CNST: variants seen among roughly 807,000 people sequenced by gnomAD.
CNST encodes consortin, connexin sorting protein, also known as consortin.
In CNST, 39 loss-of-function variants were observed where a neutral mutation model predicts 72.4. That is an observed-to-expected ratio of 0.54 (90% CI 0.42 to 0.70). The LOEUF (loss-of-function observed/expected upper bound fraction) is 0.70. Ranked by LOEUF, CNST falls within the 30% of genes least tolerant of loss-of-function variation. The probability of loss-of-function intolerance (pLI) is 0.00; values close to 1 mark genes in which losing one functional copy is unlikely to be tolerated. For synonymous variants in CNST, 332 were observed against 320.1 expected (o/e 1.04, Z -0.40); for missense variants, 871 against 868.5 (o/e 1.00, Z -0.04).
At chr1:246,587,165 T>C (rs1193147736) in intron 1 of CNST, among the ~76,000 whole-genome samples, 1 of 152,230 alleles carries the variant, frequency 6.6e-6, no homozygotes, top group East Asian at 1.9e-4. Context: ...AGTCTTGCTA[T>C]GTTGCGCAGG....
At chr1:246,575,251 A>G (rs2103003916) in intron 1 of CNST, among the ~76,000 whole-genome samples, 1 of 152,288 alleles carries the variant, frequency 6.6e-6, no homozygotes. Context: ...AAGTGTTCAG[A>G]CAAAAACGTG....
chr1:246,648,331 A>T (rs950439333), intron 9 of CNST: 1 of 694,886 alleles, frequency 1.4e-6, no homozygotes, highest in East Asian at 7.9e-5. Flanking sequence ...TGGCAGTTCC[A>T]GATATTGGAA....
chr1:246,590,448 T>A lies in CNST; in HGVS notation c.-51-1064T>A, dbSNP rs527833576. Among the ~76,000 whole-genome samples, 29 of 152,284 alleles carry A rather than the reference T, an allele frequency of 1.9e-4. No individual in the cohort carries two copies. The South Asian group carries it at 5.8e-3, about 30-fold the overall frequency. ...TCTTTCCAACTTTTTGCTTTCTCCC[T>A]TTTCGCCTGTCTTATAAACTAGGCA... On this transcript the variant is annotated intron_variant, in intron 1 of 10. Transcript: ENST00000366513.
intron 1 of CNST, among the ~76,000 whole-genome samples, chr1:246,588,878 T>C: frequency 6.6e-6 from 1 of 152,158 alleles, no homozygotes; most frequent in East Asian, 1.9e-4. Context: ...CATACCCAAG[T>C]TATTCCAAAC....
At chr1:246,633,697 T>G (rs1158707681) in intron 4 of CNST, among the ~76,000 whole-genome samples, 1 of 147,086 alleles carries the variant, frequency 6.8e-6, no homozygotes, top group Non-Finnish European at 1.5e-5. Flanking sequence ...GAGCTGAGAT[T>G]GCCCCACTGC....
At chr1:246,624,057 C>T (rs1269491648) in intron 3 of CNST, among the ~76,000 whole-genome samples, 4 of 152,172 alleles carry the variant, frequency 2.6e-5, no homozygotes, top group Non-Finnish European at 5.9e-5. Flanking sequence ...AGGAAGACCC[C>T]ATCTAAAAAT....
Position 246,566,663 on chromosome 1 carries a change from G to A in CNST, c.-52G>A, listed in dbSNP as rs1659701869. 2 of 402,130 alleles carry A rather than the reference G, an allele frequency of 5.0e-6. No individual in the cohort carries two copies. Among genetic ancestry groups the A allele is most frequent in the Non-Finnish European group, 8.8e-6 (2 of 227,934 alleles). The allele number at this position is 402,130 out of a possible 1,614,324, so 24.9% of individuals were successfully genotyped here. Reference sequence around the variant, plus strand: ...GCCCTCCTTGCGCCTCCGATTCCCAGGTGAGGAGAGGAGGAGCGGGATGCA... The same window carrying A: ...GCCCTCCTTGCGCCTCCGATTCCCAAGTGAGGAGAGGAGGAGCGGGATGCA... On this transcript the variant is annotated splice_region_variant and 5_prime_UTR_variant, in exon 1 of 11. Transcript: ENST00000366513.
At chr1:246,606,402 C>T (rs912971622) in intron 2 of CNST, 2 of 151,992 alleles carry the variant, frequency 1.3e-5, no homozygotes, top group African/African-American at 2.4e-5. Flanking sequence ...TTTCTAGAAC[C>T]GCTTTTCCAT....
intron 10 of CNST, among the ~76,000 whole-genome samples, chr1:246,661,487 G>T (rs893403459): frequency 3.9e-5 from 6 of 152,206 alleles, no homozygotes; most frequent in African/African-American, 1.4e-4. Flanking sequence ...ATTCTCTTCA[G>T]TGATTTCCTC....
intron 2 of CNST, among the ~76,000 whole-genome samples, chr1:246,609,130 A>G (rs1663130075): frequency 6.6e-6 from 1 of 152,234 alleles, no homozygotes; most frequent in African/African-American, 2.4e-5. Flanking sequence ...ATCACATAAT[A>G]CATTCTTTTG....
At chr1:246,628,888 G>A (rs1025900836) in intron 3 of CNST, among the ~76,000 whole-genome samples, 1 of 152,156 alleles carries the variant, frequency 6.6e-6, no homozygotes, top group African/African-American at 2.4e-5. Context: ...CTTCCCAGCA[G>A]TTTTCACCTT....
At chr1:246,648,205 G>C in intron 9 of CNST, 168 bp downstream of exon 9, 1 of 1,400,350 alleles carries the variant, frequency 7.1e-7, no homozygotes, top group Non-Finnish European at 9.2e-7. Flanking sequence ...TGTATGTATT[G>C]AATAAAATGA....
At chr1:246,585,664 T>TACAC (rs774494387) in intron 1 of CNST, among the ~76,000 whole-genome samples, 2 of 39,626 alleles carry the variant, frequency 5.0e-5, no homozygotes, top group East Asian at 8.7e-4. Context: ...AAAAAAAAAA[T>TACAC]ATACACACAC....
chr1:246,634,744 C>T (rs753180892), intron 6 of CNST, among the ~76,000 whole-genome samples, 157 bp downstream of exon 6: 4 of 152,208 alleles, frequency 2.6e-5, no homozygotes, highest in African/African-American at 7.2e-5. Context: ...GTTCGAACCC[C>T]GGGAGCGCGC....
At chr1:246,634,713 T>C (rs955840703) in intron 6 of CNST, 126 bp downstream of exon 6, 1 of 633,546 alleles carries the variant, frequency 1.6e-6, no homozygotes, top group Non-Finnish European at 2.7e-6. Flanking sequence ...ATAATATAAT[T>C]ATTGCAAGGC....
intron 9 of CNST, among the ~76,000 whole-genome samples, chr1:246,659,573 C>T (rs565815353): frequency 9.3e-5 from 14 of 150,060 alleles, no homozygotes; most frequent in South Asian, 4.2e-4. Flanking sequence ...CCAGCCTGGG[C>T]GACAGAGCAA....
At chr1:246,637,250 G>A (rs149814288) in intron 6 of CNST, among the ~76,000 whole-genome samples, 186 of 152,294 alleles carry the variant, frequency 1.2e-3, no homozygotes, top group African/African-American at 4.2e-3. Context: ...TGCTGTTAGT[G>A]TGCATGCTGA....
At chr1:246,588,680 G>A (rs1661347557) in intron 1 of CNST, among the ~76,000 whole-genome samples, 1 of 152,120 alleles carries the variant, frequency 6.6e-6, no homozygotes, top group Admixed American at 6.5e-5. Context: ...TATATCTAAA[G>A]TATTATTTCA....
intron 1 of CNST, among the ~76,000 whole-genome samples, chr1:246,582,415 C>CCCGGCTCCCTGCAACCT (rs1189138219): frequency 1.3e-5 from 2 of 149,790 alleles, no homozygotes; most frequent in Admixed American, 1.3e-4. Context: ...GTGGTGTGAT[C>CCCGGCTCCCTGCAACCT]CCGGCTCCCT....
Sources: allele counts gnomAD v4.1 joint callset (sites outside exome capture counted in the v4.1 genomes callset), GRCh38; gene constraint gnomAD v4.1.1; transcripts MANE v1.5; gene names NCBI Gene and HGNC (gene_info 2026-07-23, HGNC 2026-07-21).